The following CCDC88A variants were observed in gnomAD, a reference collection of about 807,000 sequenced individuals.
The protein encoded by CCDC88A is coiled-coil and HOOK domain protein 88A.
Under a neutral mutation model 234.3 loss-of-function variants are expected in CCDC88A, and 54 were observed. That is an observed-to-expected ratio of 0.23 (90% CI 0.19 to 0.29). CCDC88A has a LOEUF of 0.29. Among genes scored for constraint, CCDC88A ranks in the 10% least tolerant of loss-of-function variants. CCDC88A has a pLI of 1.00. For synonymous variants in CCDC88A, 753 were observed against 737.8 expected, an observed-to-expected ratio of 1.02 and a Z score of -0.33; for missense variants, 1,832 against 2,123.4, an observed-to-expected ratio of 0.86 and a Z score of 2.70.
intron 2 of CCDC88A, among the ~76,000 whole-genome samples, chr2:55,410,437 A>C (rs1280394405): frequency 6.6e-6 from 1 of 152,230 alleles, no homozygotes; most frequent in Non-Finnish European, 1.5e-5. Flanking sequence ...AAAGACTAGA[A>C]TATAGATAAT....
At chr2:55,339,176 C>G (rs184813671) in intron 13 of CCDC88A, 750 of 237,510 alleles carry the variant, frequency 3.2e-3, no homozygotes, top group Middle Eastern at 7.0e-3. Flanking sequence ...CTAGGCTGGT[C>G]ACAAACTCCC....
chr2:55,361,806 C>T (rs12621289), intron 7 of CCDC88A: 46,151 of 152,170 alleles, frequency 0.3, 7,415 homozygotes, highest in East Asian at 0.54. Context: ...TCTGTTTTAA[C>T]GGACTTAAAA....
intron 18 of CCDC88A, among the ~76,000 whole-genome samples, chr2:55,321,297 A>T (rs1049413589): frequency 2.0e-5 from 3 of 152,116 alleles, no homozygotes; most frequent in Non-Finnish European, 2.9e-5. Context: ...TCATGCCTGT[A>T]ATCCCAGCAC....
At position 55,332,418 on chromosome 2, in the gene CCDC88A, G is replaced by A. The variant is rs1288479264; in HGVS notation, c.2855+148C>T. ...ATTATAGGTGTGAGCCACCGCACCC[G>A]GCTACAGAACTTTCCTTAAGGGAAG... is the stretch of plus-strand genomic sequence containing the variant. On this transcript the variant is annotated intron_variant, in intron 16 of 32. Coordinates refer to ENST00000436346, the MANE Select transcript of CCDC88A (RefSeq NM_001365480.1). The surrounding 1 kb of genome is among the most constrained non-coding windows in gnomAD (Gnocchi z 4.5). The A allele has an allele frequency of 2.0e-5, 27 of 1,319,532 alleles. No individual in the cohort carries two copies. Among genetic ancestry groups the A allele is most frequent in the Admixed American group, 9.6e-5 (3 of 31,100 alleles). 81.7% of individuals were successfully genotyped at this position (1,319,532 alleles called of 1,614,324 possible).
intron 6 of CCDC88A, 78 bp downstream of exon 6, chr2:55,363,872 G>C: frequency 1.4e-6 from 1 of 701,454 alleles, no homozygotes; most frequent in Non-Finnish European, 2.4e-6. Context: ...CTATGACTTT[G>C]AAGTATTTTA....
At chr2:55,319,680 C>T (rs1240405034) in intron 18 of CCDC88A, among the ~76,000 whole-genome samples, 7 of 152,078 alleles carry the variant, frequency 4.6e-5, no homozygotes, top group Non-Finnish European at 1.0e-4. Flanking sequence ...TTTTCCAGTA[C>T]ATAAGGCCAT....
chr2:55,396,123 C>T (rs945954055), intron 2 of CCDC88A, among the ~76,000 whole-genome samples: 29 of 151,634 alleles, frequency 1.9e-4, no homozygotes, highest in African/African-American at 7.0e-4. Flanking sequence ...TAAACAAATA[C>T]TCACTGAGTA....
chr2:55,418,710 T>C (rs1681864384), intron 2 of CCDC88A, 106 bp downstream of exon 2: 1 of 806,930 alleles, frequency 1.2e-6, no homozygotes, highest in Admixed American at 2.1e-5. Context: ...CACCTGAATA[T>C]TTCTGGCCAA....
At chr2:55,308,785 T>C in intron 25 of CCDC88A, 24 bp downstream of exon 25, 1 of 1,560,940 alleles carries the variant, frequency 6.4e-7, no homozygotes, top group Non-Finnish European at 8.8e-7. Flanking sequence ...ATCAATACGA[T>C]GTTTAAAGAG....
At chr2:55,346,123 T>G in intron 10 of CCDC88A, 52 bp downstream of exon 10, 1 of 1,360,556 alleles carries the variant, frequency 7.3e-7, no homozygotes, top group Non-Finnish European at 1.0e-6. Context: ...TTAAATGTGT[T>G]AAAATTCTAA....
chr2:55,351,563 C>T (rs1669889210), intron 8 of CCDC88A, among the ~76,000 whole-genome samples: 1 of 152,168 alleles, frequency 6.6e-6, no homozygotes, highest in South Asian at 2.1e-4. Context: ...CCAGGCTGGT[C>T]TCAAACTCCT....
intron 16 of CCDC88A, chr2:55,331,835 GTT>G (rs1395209301): frequency 1.3e-5 from 2 of 151,678 alleles, no homozygotes; most frequent in Non-Finnish European, 2.9e-5. Context: ...CTTTTCCTTT[GTT>G]TCATACTTTT....
chr2:55,390,144 A>C (rs1431966490), intron 2 of CCDC88A, among the ~76,000 whole-genome samples: 7 of 152,098 alleles, frequency 4.6e-5, no homozygotes, highest in African/African-American at 1.7e-4. Flanking sequence ...AACCAAACAA[A>C]AACAACTTAG....
chr2:55,324,101 A>G (rs901917772), intron 17 of CCDC88A: 9 of 152,208 alleles, frequency 5.9e-5, no homozygotes, highest in African/African-American at 2.2e-4. Context: ...CTTTATATTC[A>G]GAGTCTAAAG....
intron 3 of CCDC88A, among the ~76,000 whole-genome samples, chr2:55,386,618 C>T (rs1372581729): frequency 6.6e-6 from 1 of 151,652 alleles, no homozygotes; most frequent in African/African-American, 2.4e-5. Context: ...ATTACAGGTG[C>T]CCACCACCAA....
intron 2 of CCDC88A, among the ~76,000 whole-genome samples, chr2:55,412,889 C>G (rs1211768428): frequency 2.0e-5 from 3 of 152,066 alleles, no homozygotes; most frequent in African/African-American, 7.2e-5. Context: ...ATAGAGGTGA[C>G]ACTAACAGAG....
chr2:55,401,800 G>C (rs10169395), intron 2 of CCDC88A, among the ~76,000 whole-genome samples: 48,063 of 151,520 alleles, frequency 0.32, 7,958 homozygotes, highest in East Asian at 0.54. Context: ...CTTTTCGAAA[G>C]TTGGAAAATC....
intron 12 of CCDC88A, among the ~76,000 whole-genome samples, chr2:55,340,556 C>G (rs2589073): frequency 0.39 from 58,723 of 151,908 alleles, 12,114 homozygotes; most frequent in East Asian, 0.85. Flanking sequence ...CATTAGTTGC[C>G]TAAGTCTTTT....
At position 55,343,751 on chromosome 2, in the gene CCDC88A, T is replaced by G; in HGVS notation, c.1230A>C (p.Glu410Asp). Residue 410 changes from glutamate (E) to aspartate (D), a missense_variant, in exon 12 of 33, where the codon GAA (glutamate) becomes GAC (aspartate). By Grantham distance (45) the Glu-to-Asp change is conservative (BLOSUM62 2). This residue lies in a region of CCDC88A where 1,282 missense variants were observed against 1,543.6 expected (regional missense o/e 0.83). Coordinates refer to ENST00000436346, the MANE Select transcript of CCDC88A (RefSeq NM_001365480.1). The part of the protein sequence containing the change: ...MDRKKIEELM[E>D]ENMTLEMAQK... The stretch of plus-strand genomic sequence containing the variant: ...GTGCCATTTCCAAAGTCATATTTTC[T>G]TCCATTAATTCTTCAATCTTTTTTC... 6.2e-7 allele frequency: 1 copy of G among 1,611,158 alleles called. No individual in the cohort carries two copies.
Sources: allele counts gnomAD v4.1 joint callset (sites outside exome capture counted in the v4.1 genomes callset), GRCh38; gene constraint gnomAD v4.1.1; regional missense constraint gnomAD v4.1.1; non-coding constraint Gnocchi (gnomAD v3.1); transcripts MANE v1.5; gene names NCBI Gene and HGNC (gene_info 2026-07-23, HGNC 2026-07-21).